The following SLIT3 variants were observed in gnomAD, a reference collection of about 807,000 sequenced individuals.
SLIT3 encodes the protein slit guidance ligand 3.
SLIT3 carries 68 observed loss-of-function variants against 184.0 expected under a neutral mutation model. The ratio of observed to expected loss-of-function variants is 0.37; its 90% CI spans 0.30 to 0.45. The LOEUF (loss-of-function observed/expected upper bound fraction) is 0.45, where lower values mean the gene tolerates loss of function less well. Among genes scored for constraint, SLIT3 ranks in the 20% least tolerant of loss-of-function variants. The pLI is 1.00. For missense variants in SLIT3, 1,707 were observed against 2,026.0 expected, an observed-to-expected ratio of 0.84 and a Z score of 3.02; for synonymous variants, 831 against 828.6, an observed-to-expected ratio of 1.00 and a Z score of -0.05.
At chr5:169,106,186 C>T (rs748440315) in intron 4 of SLIT3, among the ~76,000 whole-genome samples, 1 of 152,144 alleles carries the variant, frequency 6.6e-6, no homozygotes, top group Non-Finnish European at 1.5e-5. Flanking sequence ...ACATCCTGCA[C>T]CTGAACCCGG....
chr5:169,062,211 A>G (rs1758195467), intron 4 of SLIT3, among the ~76,000 whole-genome samples: 1 of 152,144 alleles, frequency 6.6e-6, no homozygotes, highest in Admixed American at 6.5e-5. Flanking sequence ...ATAAATAAAA[A>G]ATAAAGAATT....
At chr5:169,118,076 G>C (rs1760752735) in intron 4 of SLIT3, among the ~76,000 whole-genome samples, 1 of 152,048 alleles carries the variant, frequency 6.6e-6, no homozygotes, top group Non-Finnish European at 1.5e-5. Context: ...GCTTTGGGAG[G>C]CCAAGGCGGG....
chr5:169,088,807 G>C lies in SLIT3; in HGVS notation c.413+104672C>G, dbSNP rs181954543. Among the ~76,000 whole-genome samples, 8 of 151,880 alleles carry C rather than the reference G, an allele frequency of 5.3e-5. No homozygotes were observed. In the South Asian group the frequency reaches 1.0e-3, roughly 20 times the overall value. On this transcript the variant is annotated intron_variant, in intron 4 of 35. Transcript: ENST00000519560. ...GGCTGAGGTGGGCAGATCACCTGAG[G>C]CCAGGAGTTCAAGACCAGCCTGGCC...
At chr5:168,774,558 C>A (rs1041182215) in intron 12 of SLIT3, among the ~76,000 whole-genome samples, 180 bp from the exon 13 acceptor site, 1 of 152,168 alleles carries the variant, frequency 6.6e-6, no homozygotes, top group Non-Finnish European at 1.5e-5. Flanking sequence ...AAACCCCAAA[C>A]ACTTCTGGGC....
At chr5:168,930,976 G>T (rs2113161684) in intron 4 of SLIT3, among the ~76,000 whole-genome samples, 2 of 152,310 alleles carry the variant, frequency 1.3e-5, no homozygotes, top group East Asian at 3.9e-4. Flanking sequence ...AGCCTGCAAA[G>T]CCTCCTGGAA....
intron 20 of SLIT3, among the ~76,000 whole-genome samples, chr5:168,728,669 C>T (rs1329087106): frequency 6.6e-6 from 1 of 152,046 alleles, no homozygotes; most frequent in Non-Finnish European, 1.5e-5. Flanking sequence ...GCCTGTAATT[C>T]TAGCAGTCTG....
At position 168,719,162 on chromosome 5, in the gene SLIT3, C is replaced by T. The variant is rs140382392; in HGVS notation, c.2483+3094G>A. The stretch of plus-strand genomic sequence containing the variant: ...CACTTGCCTGCCTCAATTGATCCTC[C>T]CACCTCAGCCTCCTGAGTAGCTGGG... On this transcript the variant is annotated intron_variant, in intron 23 of 35. Transcript: ENST00000519560. Among the ~76,000 whole-genome samples, 766 of 152,320 alleles carry T rather than the reference C, an allele frequency of 5.0e-3. 6 individuals are homozygous for T. The highest frequency in any genetic ancestry group is 0.018 in the African/African-American group (734 of 41,564).
intron 4 of SLIT3, among the ~76,000 whole-genome samples, chr5:168,992,338 G>A (rs774117305): frequency 3.9e-5 from 6 of 152,322 alleles, no homozygotes; most frequent in Middle Eastern, 3.4e-3. Flanking sequence ...AATGACAGAC[G>A]CAAGGACCCT....
chr5:168,795,354 C>T (rs538891342), intron 10 of SLIT3, among the ~76,000 whole-genome samples, 153 bp downstream of exon 10: 1 of 152,334 alleles, frequency 6.6e-6, no homozygotes, highest in South Asian at 2.1e-4. Flanking sequence ...CACATCTTAC[C>T]TCCCAAGCTT....
intron 4 of SLIT3, among the ~76,000 whole-genome samples, chr5:169,025,246 A>C (rs1756771220): frequency 6.6e-6 from 1 of 152,216 alleles, no homozygotes; most frequent in South Asian, 2.1e-4. Context: ...ACTATTATTC[A>C]AGGAAGGAAA....
chr5:168,914,857 CCCAAACTCCA>C (rs1460550461), intron 4 of SLIT3, among the ~76,000 whole-genome samples: 2 of 152,104 alleles, frequency 1.3e-5, no homozygotes, highest in Admixed American at 6.5e-5. Flanking sequence ...GAGGATGGAG[CCCAAACTCCA>C]CTGTAGAGGA....
At chr5:169,010,268 T>C (rs1270090152) in intron 4 of SLIT3, among the ~76,000 whole-genome samples, 1 of 152,166 alleles carries the variant, frequency 6.6e-6, no homozygotes, top group Admixed American at 6.5e-5. Context: ...CAATGCCAGA[T>C]GAACAGCGAT....
intron 20 of SLIT3, among the ~76,000 whole-genome samples, chr5:168,732,618 TAG>T (rs1763321714): frequency 6.6e-6 from 1 of 151,988 alleles, no homozygotes; most frequent in Non-Finnish European, 1.5e-5. Flanking sequence ...GGTATAAAAA[TAG>T]ACACATAAAT....
chr5:168,692,601 T>G lies in SLIT3; in HGVS notation c.3176+6A>C. 1 of 1,610,578 alleles carries G rather than the reference T, an allele frequency of 6.2e-7. No individual in the cohort carries two copies. The highest frequency in any genetic ancestry group is 8.5e-7 in the Non-Finnish European group (1 of 1,177,130). ...TCTGTGCTGGGGGCACGAAGCCAGG[T>G]CTTACCTGAATCCTTTGTCCAGGGG... is the stretch of plus-strand genomic sequence containing the variant. On this transcript the variant is annotated splice_donor_region_variant and intron_variant, in intron 29 of 35. Coordinates refer to ENST00000519560, the MANE Select transcript of SLIT3 (RefSeq NM_003062.4).
intron 16 of SLIT3, among the ~76,000 whole-genome samples, chr5:168,760,261 T>C (rs903136840): frequency 1.3e-5 from 2 of 152,132 alleles, no homozygotes; most frequent in Non-Finnish European, 2.9e-5. Flanking sequence ...CCTTTATGAC[T>C]AGGTCTGAGC....
chr5:168,792,877 A>G (rs1321616311), intron 10 of SLIT3, among the ~76,000 whole-genome samples: 2 of 152,226 alleles, frequency 1.3e-5, no homozygotes, highest in Non-Finnish European at 2.9e-5. Flanking sequence ...CAAGTGGAAA[A>G]TTCCACACCT....
At chr5:168,970,998 A>G (rs1484785876) in intron 4 of SLIT3, among the ~76,000 whole-genome samples, 1 of 152,132 alleles carries the variant, frequency 6.6e-6, no homozygotes, top group Non-Finnish European at 1.5e-5. Context: ...TTCTTTATCC[A>G]TCTGCCCAAC....
chr5:168,794,393 T>A (rs556397824), intron 10 of SLIT3, among the ~76,000 whole-genome samples: 2 of 152,236 alleles, frequency 1.3e-5, no homozygotes, highest in East Asian at 3.9e-4. Context: ...AATCCTACTG[T>A]CCTCCCTGCA....
chr5:168,710,131 G>A (rs1762507439), intron 25 of SLIT3: 1 of 152,210 alleles, frequency 6.6e-6, no homozygotes, highest in Non-Finnish European at 1.5e-5. Context: ...AATGGATTAA[G>A]TGGCAGTGGA....
Sources: gnomAD v4.1 joint callset for allele counts (sites outside exome capture counted in the v4.1 genomes callset) on GRCh38, gnomAD v4.1.1 for gene constraint, MANE v1.5 for transcripts, NCBI Gene and HGNC (gene_info 2026-07-23, HGNC 2026-07-21) for gene names.